Variants in EIF4B observed in about 807,000 individuals in gnomAD.
EIF4B encodes eukaryotic translation initiation factor 4B.
EIF4B carries 8 observed loss-of-function variants against 79.3 expected under a neutral mutation model. That is an observed-to-expected ratio of 0.10 (90% CI 0.06 to 0.18). The LOEUF (loss-of-function observed/expected upper bound fraction) is 0.18, where lower values mean the gene tolerates loss of function less well. EIF4B is among the 10% of genes least tolerant of loss of function. The pLI is 1.00. For missense variants in EIF4B, 515 were observed against 792.4 expected, an observed-to-expected ratio of 0.65 and a Z score of 4.20; for synonymous variants, 238 against 274.7, an observed-to-expected ratio of 0.87 and a Z score of 1.32.
intron 1 of EIF4B, among the ~76,000 whole-genome samples, chr12:53,006,705 C>CT (rs1942966541): frequency 6.6e-6 from 1 of 151,722 alleles, no homozygotes; most frequent in African/African-American, 2.4e-5. Flanking sequence ...CCCTCACACT[C>CT]TTTTCACCCT....
intron 1 of EIF4B, among the ~76,000 whole-genome samples, chr12:53,015,273 G>A (rs73301516): frequency 0.017 from 2,575 of 152,196 alleles, 80 homozygotes; most frequent in African/African-American, 0.058. Flanking sequence ...CTTAGACTTC[G>A]TATGAAAAAA....
At chr12:53,008,382 GT>G (rs1482083259) in intron 1 of EIF4B, among the ~76,000 whole-genome samples, 61 of 152,268 alleles carry the variant, frequency 4.0e-4, no homozygotes, top group Middle Eastern at 3.4e-3. Flanking sequence ...GCTGGTACTG[GT>G]ATCTGAGCAC....
intron 12 of EIF4B, 85 bp downstream of exon 12, chr12:53,038,496 G>C (rs1468715073): frequency 6.8e-6 from 9 of 1,324,062 alleles, no homozygotes; most frequent in Non-Finnish European, 9.3e-6. Context: ...AGAGCAGTGT[G>C]TCTCGCACCT....
chr12:53,007,683 G>A (rs181001177), intron 1 of EIF4B, among the ~76,000 whole-genome samples: 60 of 152,208 alleles, frequency 3.9e-4, no homozygotes, highest in Middle Eastern at 3.4e-3. Flanking sequence ...AACATTATTT[G>A]AACTTCTATC....
intron 11 of EIF4B, chr12:53,038,085 C>T (rs1156276289): frequency 7.3e-6 from 2 of 273,386 alleles, no homozygotes; most frequent in Non-Finnish European, 1.4e-5. Flanking sequence ...TGTGCCATTG[C>T]ACTCCAGCCT....
intron 1 of EIF4B, chr12:53,012,196 C>T (rs1294208097): frequency 6.6e-6 from 1 of 152,160 alleles, no homozygotes; most frequent in Non-Finnish European, 1.5e-5. Flanking sequence ...TTGACTGAGT[C>T]AGTGCTGCTG....
At chr12:53,038,311 C>G (rs1418193003) in intron 11 of EIF4B, 45 bp from the exon 12 acceptor site, 2 of 1,526,542 alleles carry the variant, frequency 1.3e-6, no homozygotes, top group African/African-American at 2.8e-5. Flanking sequence ...TGGTTGTTTT[C>G]TCCCTGAAAC....
rs1592230197 is a variant in EIF4B at position 53,039,183 on chromosome 12, A to C, written c.1577-55A>C. 2.4e-6 allele frequency: 3 copies of C among 1,261,280 alleles called. No individual in the cohort carries two copies. The East Asian group carries it at 7.5e-5, about 31-fold the overall frequency. The allele number at this position is 1,261,280 out of a possible 1,614,324, so 78.1% of individuals were successfully genotyped here. On this transcript the variant is annotated intron_variant, in intron 12 of 14. Coordinates refer to ENST00000262056, the MANE Select transcript of EIF4B (RefSeq NM_001417.7). Reference sequence around the variant, plus strand: ...TTCAGCTTAAGGGAAATCTTAGGAGAGGGACATTGATACTTTTACTTGCCT... The same window carrying C: ...TTCAGCTTAAGGGAAATCTTAGGAGCGGGACATTGATACTTTTACTTGCCT...
chr12:53,033,186 A>G (rs1433988051), intron 8 of EIF4B, among the ~76,000 whole-genome samples: 2 of 148,368 alleles, frequency 1.3e-5, no homozygotes, highest in Admixed American at 6.8e-5. Context: ...TGCCTGGCTA[A>G]TTTTTTATTT....
intron 8 of EIF4B, among the ~76,000 whole-genome samples, chr12:53,032,325 C>T (rs1162346112): frequency 6.6e-6 from 1 of 152,080 alleles, no homozygotes; most frequent in Non-Finnish European, 1.5e-5. Flanking sequence ...GCCTATACTC[C>T]CAGCTACTGA....
chr12:53,015,349 A>G (rs1342678772), intron 1 of EIF4B, among the ~76,000 whole-genome samples: 2 of 152,122 alleles, frequency 1.3e-5, no homozygotes, highest in Admixed American at 1.3e-4. Flanking sequence ...CTGGTGTTTC[A>G]CTTAACCTCT....
chr12:53,018,994 T>C lies in EIF4B; in HGVS notation c.348T>C (p.Phe116=). ...DVTEESIKEF[F]RGLNISAVRL... Reference sequence around the variant, plus strand: ...CAGAAGAGTCAATTAAGGAATTCTTTCGAGGATTAAATGTAAGTGTAAAAG... The same window carrying C: ...CAGAAGAGTCAATTAAGGAATTCTTCCGAGGATTAAATGTAAGTGTAAAAG... Residue 116 remains phenylalanine, a synonymous_variant, in exon 3 of 15, where the codon TTT becomes TTC. Coordinates refer to ENST00000262056, the MANE Select transcript of EIF4B (RefSeq NM_001417.7). The C allele has an allele frequency of 1.2e-6, 2 of 1,613,812 alleles. No homozygotes were observed. The highest frequency in any genetic ancestry group is 1.7e-6 in the Non-Finnish European group (2 of 1,179,854).
At chr12:53,021,284 C>T (rs1943243651) in intron 4 of EIF4B, among the ~76,000 whole-genome samples, 1 of 152,132 alleles carries the variant, frequency 6.6e-6, no homozygotes, top group Non-Finnish European at 1.5e-5. Context: ...GTAGTAGAGG[C>T]TCTATAAATG....
At chr12:53,024,648 C>CT (rs1943304643) in intron 6 of EIF4B, among the ~76,000 whole-genome samples, 1 of 152,024 alleles carries the variant, frequency 6.6e-6, no homozygotes, top group Non-Finnish European at 1.5e-5. Context: ...TTTACAAGCT[C>CT]TTTGTTTTGT....
At chr12:53,031,486 G>A (rs1943445804) in intron 8 of EIF4B, among the ~76,000 whole-genome samples, 1 of 152,142 alleles carries the variant, frequency 6.6e-6, no homozygotes, top group African/African-American at 2.4e-5. Flanking sequence ...ACATTGCCCA[G>A]GCTGGTTTTA....
At chr12:53,038,280 T>G in intron 11 of EIF4B, 76 bp from the exon 12 acceptor site, 2 of 1,364,482 alleles carry the variant, frequency 1.5e-6, no homozygotes, top group Non-Finnish European at 2.0e-6. Flanking sequence ...CCCACTGCAT[T>G]TGGAGGATGA....
intron 6 of EIF4B, among the ~76,000 whole-genome samples, chr12:53,023,520 T>G (rs1943283735): frequency 6.6e-6 from 1 of 151,754 alleles, no homozygotes; most frequent in Non-Finnish European, 1.5e-5. Flanking sequence ...CGTGAGCCAC[T>G]GCGCCTGGCC....
At chr12:53,035,438 G>A (rs1031426343) in intron 10 of EIF4B, among the ~76,000 whole-genome samples, 2 of 151,212 alleles carry the variant, frequency 1.3e-5, no homozygotes, top group East Asian at 1.9e-4. Flanking sequence ...GCGCGATCTC[G>A]GCTTACTGCA....
chr12:53,030,095 G>A (rs1285875153), intron 8 of EIF4B, among the ~76,000 whole-genome samples: 1 of 119,538 alleles, frequency 8.4e-6, no homozygotes, highest in Non-Finnish European at 1.8e-5. Flanking sequence ...GGTAGCATGT[G>A]CCTGTAGTCC....
Sources: allele counts gnomAD v4.1 joint callset (sites outside exome capture counted in the v4.1 genomes callset), GRCh38; gene constraint gnomAD v4.1.1; transcripts MANE v1.5; gene names NCBI Gene and HGNC (gene_info 2026-07-23, HGNC 2026-07-21).